FAM47E: variants seen among roughly 807,000 people sequenced by gnomAD.
FAM47E encodes the protein family with sequence similarity 47 member E.
FAM47E carries 32 observed loss-of-function variants against 41.6 expected under a neutral mutation model. The observed-to-expected ratio is 0.77, with a 90% CI of 0.58 to 1.03. The LOEUF is 1.03. Among genes scored for constraint, FAM47E ranks in the 50% least tolerant of loss-of-function variants. The pLI, the probability that FAM47E is intolerant of heterozygous loss-of-function variation, is 0.00. For missense variants in FAM47E, 424 were observed against 485.4 expected (o/e 0.87, Z 1.19); for synonymous variants, 184 against 188.7 (o/e 0.98, Z 0.20).
Position 76,280,289 on chromosome 4 carries a change from G to C in FAM47E, c.1052G>C (p.Gly351Ala). 1.9e-6 allele frequency: 3 copies of C among 1,550,730 alleles called. No homozygotes were observed. The highest frequency in any genetic ancestry group is 2.6e-6 in the Non-Finnish European group (3 of 1,146,228). Residue 351 changes from glycine to alanine, a missense_variant, in exon 7 of 8, where the codon GGA becomes GCA. By Grantham distance (60) the Gly-to-Ala change is moderately conservative (BLOSUM62 0). Coordinates refer to ENST00000424749, the MANE Select transcript of FAM47E (RefSeq NM_001136570.3). Reference sequence around the variant, plus strand: ...GAGGAGTTACTTGCAGACCTTCACGGAACAGTTGCCTTTAAGGATTTCATT... The same window carrying C: ...GAGGAGTTACTTGCAGACCTTCACGCAACAGTTGCCTTTAAGGATTTCATT... ...EQEELLADLH[G>A]TVAFKDFILS...
intron 2 of FAM47E, among the ~76,000 whole-genome samples, chr4:76,263,311 G>A (rs1054806484): frequency 5.9e-5 from 9 of 152,086 alleles, no homozygotes; most frequent in Admixed American, 3.9e-4. Context: ...TGCCTAATTC[G>A]TTGTGTAAAA....
chr4:76,267,464 G>C (rs1734689175), intron 3 of FAM47E: 1 of 152,278 alleles, frequency 6.6e-6, no homozygotes, highest in Non-Finnish European at 1.5e-5. Flanking sequence ...AAAAAATGGT[G>C]GTGGGTCCCA....
At chr4:76,219,336 T>A (rs1326589076) in intron 2 of FAM47E, among the ~76,000 whole-genome samples, 2 of 152,174 alleles carry the variant, frequency 1.3e-5, no homozygotes, top group Non-Finnish European at 2.9e-5. Context: ...CTTTGCAATA[T>A]ATCTAATGTA....
At position 76,256,310 on chromosome 4, in the gene FAM47E, C is replaced by G. The variant is rs748867523; in HGVS notation, c.207C>G (p.Val69=). The G allele has an allele frequency of 4.5e-6, 7 of 1,551,562 alleles. No individual in the cohort carries two copies. The African/African-American group carries it at 6.8e-5, about 15-fold the overall frequency. ...CPPCTGLVTQ[V]PVEGFLPQIY... ...CTTGCACTGGTCTGGTGACTCAGGT[C>G]CCTGTGGAGGGCTTTCTGCCCCAGA... The change falls in exon 2 of 8, where the codon GTC becomes GTG. Residue 69 remains valine (V), a synonymous_variant. Coordinates refer to ENST00000424749, the MANE Select transcript of FAM47E (RefSeq NM_001136570.3).
At chr4:76,218,029 A>G (rs1733244474) in intron 2 of FAM47E, among the ~76,000 whole-genome samples, 1 of 152,238 alleles carries the variant, frequency 6.6e-6, no homozygotes, top group South Asian at 2.1e-4. Context: ...AAATATAAAC[A>G]TTTAAAATAC....
intron 2 of FAM47E, among the ~76,000 whole-genome samples, chr4:76,228,790 T>G (rs1281374200): frequency 1.3e-5 from 2 of 152,188 alleles, no homozygotes; most frequent in African/African-American, 2.4e-5. Context: ...GATTCTTTCC[T>G]TCATCTTGAT....
chr4:76,219,796 A>G (rs1357148459), intron 2 of FAM47E, among the ~76,000 whole-genome samples: 1 of 152,012 alleles, frequency 6.6e-6, no homozygotes, highest in African/African-American at 2.4e-5. Flanking sequence ...GCCCCTCACC[A>G]CTAACCTGGT....
chr4:76,253,654 G>A (rs1463372618), intron 1 of FAM47E, among the ~76,000 whole-genome samples: 1 of 151,912 alleles, frequency 6.6e-6, no homozygotes, highest in Admixed American at 6.6e-5. Flanking sequence ...AGAGGAAAGC[G>A]GTAGCCAGGC....
chr4:76,256,201 G>A lies in FAM47E; in HGVS notation c.98G>A (p.Gly33Glu), dbSNP rs1056958271. ...AGATGTTTCACAAAGCACAAGAACG[G>A]GCTGAAGTTCCCCACCTCTCTGCAC... Reference protein sequence around the residue: ...RSRCFTKHKNGLKFPTSLHSR... With the variant: ...RSRCFTKHKNELKFPTSLHSR... The change falls in exon 2 of 8, where the codon GGG (glycine) becomes GAG (glutamate). Residue 33 changes from glycine (G) to glutamate (E), a missense_variant. Coordinates refer to ENST00000424749, the MANE Select transcript of FAM47E (RefSeq NM_001136570.3). 5.8e-6 allele frequency: 9 copies of A among 1,551,490 alleles called. No individual in the cohort carries two copies. The African/African-American group carries it at 1.2e-4, about 21-fold the overall frequency.
In FAM47E at chr4:76,271,740, G is replaced by T. The variant is rs1039731373; in HGVS notation, c.842G>T (p.Gly281Val). ...LQETEFFQKL[G>V]YERKLQKPQN... ...GAGACAGAGTTCTTCCAGAAACTAGGCTATGAGAGGAAACTCCAGAAACCA... is the reference window on the plus strand; with the variant it reads ...GAGACAGAGTTCTTCCAGAAACTAGTCTATGAGAGGAAACTCCAGAAACCA... Residue 281 changes from glycine to valine, a missense_variant, in exon 5 of 8, where the codon GGC (glycine) becomes GTC (valine). Transcript: ENST00000424749. The T allele has an allele frequency of 1.3e-6, 2 of 1,551,486 alleles. No individual in the cohort carries two copies. The highest frequency in any genetic ancestry group is 1.4e-5 in the African/African-American group (1 of 73,018).
chr4:76,274,940 G>A (rs749248906), intron 5 of FAM47E, among the ~76,000 whole-genome samples: 61 of 152,094 alleles, frequency 4.0e-4, no homozygotes, highest in Non-Finnish European at 4.0e-4. Context: ...GAGTCCATTG[G>A]GCTCCTCCTG....
At chr4:76,264,511 C>T (rs1734548721) in intron 3 of FAM47E, among the ~76,000 whole-genome samples, 1 of 151,976 alleles carries the variant, frequency 6.6e-6, no homozygotes, top group Non-Finnish European at 1.5e-5. Flanking sequence ...TTCTTGATTC[C>T]CCAGTCAATA....
intron 5 of FAM47E, among the ~76,000 whole-genome samples, chr4:76,274,640 T>G (rs1485504580): frequency 6.6e-6 from 1 of 152,212 alleles, no homozygotes; most frequent in Non-Finnish European, 1.5e-5. Context: ...TCCCTGCTAT[T>G]GAGGCAAGAC....
chr4:76,237,707 G>A (rs1156889813), intron 2 of FAM47E, among the ~76,000 whole-genome samples: 1 of 152,154 alleles, frequency 6.6e-6, no homozygotes, highest in Non-Finnish European at 1.5e-5. Flanking sequence ...GGAGGCCTCA[G>A]GAAACTCACA....
chr4:76,216,500 A>C (rs1733210447), intron 1 of FAM47E, among the ~76,000 whole-genome samples: 1 of 151,902 alleles, frequency 6.6e-6, no homozygotes, highest in Non-Finnish European at 1.5e-5. Flanking sequence ...ATCCCAGGGT[A>C]CTCTTCCTTT....
chr4:76,257,396 G>A (rs1379044082), intron 2 of FAM47E, among the ~76,000 whole-genome samples: 1 of 152,096 alleles, frequency 6.6e-6, no homozygotes, highest in African/African-American at 2.4e-5. Context: ...CATCCCTGCA[G>A]CCTGTATTCT....
intron 1 of FAM47E, among the ~76,000 whole-genome samples, chr4:76,255,901 C>A (rs1268787156): frequency 6.6e-6 from 1 of 152,064 alleles, no homozygotes; most frequent in Non-Finnish European, 1.5e-5. Context: ...TCCACTAGGG[C>A]AGTTTTGCTT....
Position 76,283,324 on chromosome 4 carries a change from C to G in FAM47E, c.1105-57C>G. The G allele has an allele frequency of 3.0e-6, 3 of 998,674 alleles. No homozygotes were observed. In the South Asian group the frequency reaches 4.2e-5, roughly 14 times the overall value. The allele number at this position is 998,674 out of a possible 1,614,324, so 61.9% of individuals were successfully genotyped here. Reference sequence around the variant, plus strand: ...GATATGGTAGTGGTTGTGGGGAGGACTGTACTGTGCAAGTTTTGTTTGCCA... The same window carrying G: ...GATATGGTAGTGGTTGTGGGGAGGAGTGTACTGTGCAAGTTTTGTTTGCCA... On this transcript the variant is annotated intron_variant, in intron 7 of 7. Coordinates refer to ENST00000424749, the MANE Select transcript of FAM47E (RefSeq NM_001136570.3).
intron 6 of FAM47E, 118 bp from the exon 7 acceptor site, chr4:76,280,146 G>C (rs1227820026): frequency 8.0e-6 from 5 of 621,654 alleles, no homozygotes; most frequent in Non-Finnish European, 1.1e-5. Flanking sequence ...TCAAAAACAA[G>C]AAGGATATGG....
Sources: allele counts gnomAD v4.1 joint callset (sites outside exome capture counted in the v4.1 genomes callset), GRCh38; gene constraint gnomAD v4.1.1; transcripts MANE v1.5; gene names NCBI Gene and HGNC (gene_info 2026-07-23, HGNC 2026-07-21).